ITPKB: variants seen among roughly 807,000 people sequenced by gnomAD.
The protein encoded by ITPKB is IP3 3-kinase B.
ITPKB carries 13 observed loss-of-function variants against 69.4 expected under a neutral mutation model. The ratio of observed to expected loss-of-function variants is 0.19; its 90% CI spans 0.12 to 0.30. The LOEUF is 0.30. Among genes scored for constraint, ITPKB ranks in the 10% least tolerant of loss-of-function variants. The pLI, the probability that ITPKB is intolerant of heterozygous loss-of-function variation, is 1.00. For synonymous variants in ITPKB, 584 were observed against 513.7 expected, an observed-to-expected ratio of 1.14 and a Z score of -1.85; for missense variants, 1,240 against 1,250.5, an observed-to-expected ratio of 0.99 and a Z score of 0.13.
intron 2 of ITPKB, among the ~76,000 whole-genome samples, chr1:226,714,747 C>T (rs1340270073): frequency 1.3e-5 from 2 of 152,246 alleles, no homozygotes; most frequent in Non-Finnish European, 2.9e-5. Flanking sequence ...CCTCTGCTGT[C>T]AGCAGGAATT....
At chr1:226,640,659 T>C (rs1044524471) in intron 5 of ITPKB, among the ~76,000 whole-genome samples, 3 of 151,324 alleles carry the variant, frequency 2.0e-5, no homozygotes, top group African/African-American at 4.9e-5. Flanking sequence ...GAAGGGAAAG[T>C]GGATTGTTTC....
intron 2 of ITPKB, among the ~76,000 whole-genome samples, chr1:226,651,096 C>T (rs949943728): frequency 6.6e-6 from 1 of 152,196 alleles, no homozygotes; most frequent in Non-Finnish European, 1.5e-5. Context: ...CTTACGGAGG[C>T]TGCACCCACC....
rs865830056 is a variant in ITPKB, at chr1:226,711,438, A to T, written c.1932+24089T>A. ...GAGAGAGAGAGAGAGAGAGAGAGAG[A>T]GAGAGTGTGTGTGTGTGTGTGTGTG... is the stretch of plus-strand genomic sequence containing the variant. On this transcript the variant is annotated intron_variant, in intron 2 of 7. Transcript: ENST00000429204. Among the ~76,000 whole-genome samples the T allele has an allele frequency of 5.7e-3, 657 of 116,114 alleles. 6 individuals carry two copies. The highest frequency in any genetic ancestry group is 0.018 in the African/African-American group (530 of 29,318). 76.2% of individuals were successfully genotyped at this position (116,114 alleles called of 152,430 possible). A position where few individuals can be genotyped will look rare whatever the true frequency, so the allele number is the denominator to read the frequency against.
At chr1:226,667,629 C>T (rs991943169) in intron 2 of ITPKB, among the ~76,000 whole-genome samples, 1 of 152,152 alleles carries the variant, frequency 6.6e-6, no homozygotes, top group Non-Finnish European at 1.5e-5. Flanking sequence ...TCAGACCACC[C>T]ACATTTTCTG....
At chr1:226,685,949 T>G (rs2102777234) in intron 2 of ITPKB, among the ~76,000 whole-genome samples, 1 of 151,440 alleles carries the variant, frequency 6.6e-6, no homozygotes, top group African/African-American at 2.4e-5. Flanking sequence ...AAACTGAGGA[T>G]GGGGGAGGAA....
chr1:226,657,338 G>A (rs1669312516), intron 2 of ITPKB: 1 of 152,216 alleles, frequency 6.6e-6, no homozygotes, highest in African/African-American at 2.4e-5. Context: ...ATTTTCTAGA[G>A]GGGGTTTACA....
chr1:226,716,172 C>T (rs760122520), intron 2 of ITPKB, among the ~76,000 whole-genome samples: 3 of 152,180 alleles, frequency 2.0e-5, no homozygotes, highest in African/African-American at 4.8e-5. Context: ...TCTAACCAGA[C>T]GACTTAAAGT....
intron 2 of ITPKB, among the ~76,000 whole-genome samples, chr1:226,674,454 C>A (rs1669685240): frequency 6.6e-6 from 1 of 152,158 alleles, no homozygotes; most frequent in Admixed American, 6.6e-5. Flanking sequence ...ACCTCAGCCT[C>A]CCATAGTGCT....
chr1:226,723,592 G>C (rs1012585143), intron 2 of ITPKB, among the ~76,000 whole-genome samples: 1 of 151,922 alleles, frequency 6.6e-6, no homozygotes, highest in African/African-American at 2.4e-5. Flanking sequence ...TGTATAGAGA[G>C]ATATATATGT....
intron 3 of ITPKB, 108 bp downstream of exon 3, chr1:226,648,564 C>G: frequency 2.6e-6 from 2 of 756,058 alleles, no homozygotes; most frequent in South Asian, 2.9e-5. Context: ...ACTAGAAAGT[C>G]TTGGAGGGAA....
In ITPKB at chr1:226,735,785, C is replaced by A; in HGVS notation, c.1674G>T (p.Arg558Ser). The stretch of plus-strand genomic sequence containing the variant: ...GTATGTTGCTGGGGCTGCAGGCCTT[C>A]CTCAGGAAAGGCTTGTCCGGATCTT... ...LPQDPDKPFL[R>S]KACSPSNIPA... Residue 558 changes from arginine to serine, a missense_variant, in exon 2 of 8, where the codon AGG (arginine) becomes AGT (serine). Coordinates refer to ENST00000429204, the MANE Select transcript of ITPKB (RefSeq NM_002221.4). The A allele has an allele frequency of 6.2e-7, 1 of 1,602,986 alleles. No individual in the cohort carries two copies. The highest frequency in any genetic ancestry group is 1.3e-5 in the African/African-American group (1 of 74,836).
chr1:226,704,541 TG>T (rs2102632882), intron 2 of ITPKB, among the ~76,000 whole-genome samples: 1 of 152,340 alleles, frequency 6.6e-6, no homozygotes, highest in South Asian at 2.1e-4. Flanking sequence ...ATTGTCATTC[TG>T]GGGAATGCAA....
At chr1:226,732,158 A>C (rs1303128252) in intron 2 of ITPKB, among the ~76,000 whole-genome samples, 2 of 151,494 alleles carry the variant, frequency 1.3e-5, no homozygotes, top group African/African-American at 2.4e-5. Context: ...TTTAAAAAAC[A>C]GTAAGCACCA....
At position 226,632,569 on chromosome 1, in the gene ITPKB, A is replaced by C. The variant is rs1182527863; in HGVS notation, c.*2102T>G. ...TAAGTAACAGAATAACCCTAAAATG[A>C]TGCTACTTCATACTATGTTCACATA... On this transcript the variant is annotated 3_prime_UTR_variant, in exon 8 of 8. Coordinates refer to ENST00000429204, the MANE Select transcript of ITPKB (RefSeq NM_002221.4). The C allele has an allele frequency of 6.6e-6, 1 of 152,544 alleles. No individual in the cohort carries two copies. The highest frequency in any genetic ancestry group is 1.5e-5 in the Non-Finnish European group (1 of 68,034). 9.4% of individuals were successfully genotyped at this position (152,544 alleles called of 1,614,324 possible).
chr1:226,739,253 A>G lies in ITPKB; in HGVS notation c.-418T>C, dbSNP rs1657918320. The G allele has an allele frequency of 6.6e-6, 1 of 151,348 alleles. No individual in the cohort carries two copies. 9.4% of individuals were successfully genotyped at this position (151,348 alleles called of 1,614,324 possible). On this transcript the variant is annotated 5_prime_UTR_variant, in exon 1 of 8. Coordinates refer to ENST00000429204, the MANE Select transcript of ITPKB (RefSeq NM_002221.4). Reference sequence around the variant, plus strand: ...AGTGGCGACGCCAAGCCGGCCCTGCACGCCCTTTTCGACCGTGGAGATACT... The same window carrying G: ...AGTGGCGACGCCAAGCCGGCCCTGCGCGCCCTTTTCGACCGTGGAGATACT...
At chr1:226,639,529 A>T in intron 6 of ITPKB, 28 bp downstream of exon 6, 1 of 1,431,066 alleles carries the variant, frequency 7.0e-7, no homozygotes, top group East Asian at 2.3e-5. Context: ...CTGGCTGGAG[A>T]GACCCTCTCT....
intron 2 of ITPKB, among the ~76,000 whole-genome samples, chr1:226,677,405 C>A (rs1297042877): frequency 2.0e-5 from 3 of 152,172 alleles, no homozygotes; most frequent in Non-Finnish European, 4.4e-5. Flanking sequence ...GGGAAGTACA[C>A]AGAGCTGCCT....
At chr1:226,719,724 G>C (rs1657186976) in intron 2 of ITPKB, among the ~76,000 whole-genome samples, 1 of 152,148 alleles carries the variant, frequency 6.6e-6, no homozygotes, top group Non-Finnish European at 1.5e-5. Flanking sequence ...CTGCCTGGGT[G>C]CTTCACAGTA....
At chr1:226,679,828 T>C (rs1656034634) in intron 2 of ITPKB, among the ~76,000 whole-genome samples, 1 of 152,228 alleles carries the variant, frequency 6.6e-6, no homozygotes, top group South Asian at 2.1e-4. Flanking sequence ...AATTCGATTT[T>C]GCTGGGGAGA....
Sources: gnomAD v4.1 joint callset for allele counts (sites outside exome capture counted in the v4.1 genomes callset) on GRCh38, gnomAD v4.1.1 for gene constraint, MANE v1.5 for transcripts, NCBI Gene and HGNC (gene_info 2026-07-23, HGNC 2026-07-21) for gene names.